DNAH7: variants seen among roughly 807,000 people sequenced by gnomAD.
DNAH7 encodes the protein axonemal beta dynein heavy chain 7.
A neutral mutation model predicts 444.6 loss-of-function variants in DNAH7; 397 were observed. The observed-to-expected ratio is 0.89, with a 90% CI of 0.82 to 0.97. The LOEUF is 0.97. DNAH7 is among the 50% of genes least tolerant of loss of function. The pLI is 0.00. For missense variants in DNAH7, 4,902 were observed against 4,800.8 expected (o/e 1.02, Z -0.62); for synonymous variants, 1,636 against 1,624.4 (o/e 1.01, Z -0.17).
chr2:195,774,172 T>G (rs980023995), intron 60 of DNAH7, among the ~76,000 whole-genome samples: 1 of 152,264 alleles, frequency 6.6e-6, no homozygotes, highest in Non-Finnish European at 1.5e-5. Context: ...TTACGTATTC[T>G]GTAATGTGGC....
chr2:195,766,167 A>ATTTTTTTTTTTTTTTTTTGTTTTTTTT (rs1694572083), intron 61 of DNAH7, among the ~76,000 whole-genome samples: 1 of 57,328 alleles, frequency 1.7e-5, no homozygotes, highest in Non-Finnish European at 3.7e-5. Flanking sequence ...GTGGGAGCTA[A>ATTTTTTTTTTTTTTTTTTGTTTTTTTT]TTTTTTTTTT....
intron 35 of DNAH7, among the ~76,000 whole-genome samples, chr2:195,883,451 T>TCCGCCCCC (rs1553548100): frequency 8.3e-6 from 1 of 121,154 alleles, no homozygotes; most frequent in African/African-American, 3.2e-5. Flanking sequence ...CAGTCCCCGC[T>TCCGCCCCC]CCCCCCCCCC....
intron 5 of DNAH7, among the ~76,000 whole-genome samples, chr2:196,029,039 ATGTT>A (rs1384357126): frequency 1.3e-5 from 2 of 152,222 alleles, no homozygotes; most frequent in Non-Finnish European, 2.9e-5. Flanking sequence ...TGATCAATAA[ATGTT>A]TGTTAAGTGA....
intron 46 of DNAH7, among the ~76,000 whole-genome samples, chr2:195,852,956 C>T (rs1699472871): frequency 6.7e-6 from 1 of 149,154 alleles, no homozygotes; most frequent in Non-Finnish European, 1.5e-5. Context: ...AGACAGAGTT[C>T]TGATACCTTT....
chr2:195,882,138 T>A lies in DNAH7; in HGVS notation c.5764-146A>T, dbSNP rs1701421570. 5.2e-5 allele frequency: 33 copies of A among 635,906 alleles called. No individual in the cohort carries two copies. In the South Asian group the frequency reaches 7.3e-4, roughly 14 times the overall value. The allele number at this position is 635,906 out of a possible 1,614,324, so 39.4% of individuals were successfully genotyped here. A position where few individuals can be genotyped will look rare whatever the true frequency, so the allele number is the denominator to read the frequency against. ...TCCTTTAAGACACTTTACACTCAGTTTGAAGGTTAAATTGTACATGTAAAT... is the reference window on the plus strand; with the variant it reads ...TCCTTTAAGACACTTTACACTCAGTATGAAGGTTAAATTGTACATGTAAAT... On this transcript the variant is annotated intron_variant, in intron 35 of 64. Transcript: ENST00000312428.
In DNAH7 at chr2:196,048,300, G is replaced by C. The variant is rs1218712612; in HGVS notation, c.246C>G (p.Ser82=). The change falls in exon 4 of 65, where the codon TCC becomes TCG. Residue 82 remains serine (S), a synonymous_variant. Coordinates refer to ENST00000312428, the MANE Select transcript of DNAH7 (RefSeq NM_018897.3). ...PEPFSVKNEQ[S]HAEYMERFGK... ...TTAGAATATTGAAGTTCTTACCATG[G>C]GACTGTTCATTTTTAACACTAAATG... 1 of 1,610,226 alleles carries C rather than the reference G, an allele frequency of 6.2e-7. No individual in the cohort carries two copies. The highest frequency in any genetic ancestry group is 8.5e-7 in the Non-Finnish European group (1 of 1,177,210).
chr2:195,987,941 A>C lies in DNAH7; in HGVS notation c.1626+16T>G, dbSNP rs1574956930. The C allele has an allele frequency of 6.3e-7, 1 of 1,579,500 alleles. No homozygotes were observed. The highest frequency in any genetic ancestry group is 2.3e-5 in the East Asian group (1 of 44,340). ...CCAGATAGAGATAACAGTTGCACAA[A>C]ACTGGAGTCATTTACCTTTATGGAT... On this transcript the variant is annotated intron_variant, in intron 13 of 64. Coordinates refer to ENST00000312428, the MANE Select transcript of DNAH7 (RefSeq NM_018897.3).
intron 12 of DNAH7, 96 bp downstream of exon 12, chr2:196,000,608 T>C: frequency 9.6e-7 from 1 of 1,039,782 alleles, no homozygotes; most frequent in Non-Finnish European, 1.3e-6. Flanking sequence ...TATTATATTC[T>C]GTGAAGCAGA....
intron 35 of DNAH7, 51 bp from the exon 36 acceptor site, chr2:195,882,043 G>T (rs1701415608): frequency 1.4e-6 from 2 of 1,466,866 alleles, no homozygotes; most frequent in Non-Finnish European, 9.4e-7. Context: ...ACTTTAAAAA[G>T]CTCTATACTC....
intron 63 of DNAH7, among the ~76,000 whole-genome samples, chr2:195,742,003 T>C (rs1693067191): frequency 6.6e-6 from 1 of 152,210 alleles, no homozygotes; most frequent in Admixed American, 6.5e-5. Flanking sequence ...TTACCCTTTC[T>C]CTTCTCTGGG....
At chr2:195,769,619 G>A (rs1367761760) in intron 61 of DNAH7, among the ~76,000 whole-genome samples, 1 of 151,916 alleles carries the variant, frequency 6.6e-6, no homozygotes, top group Non-Finnish European at 1.5e-5. Flanking sequence ...AAAGGTGTTA[G>A]GACCCACTAT....
intron 3 of DNAH7, among the ~76,000 whole-genome samples, chr2:196,049,541 G>T (rs1050399003): frequency 2.6e-5 from 4 of 152,182 alleles, no homozygotes; most frequent in African/African-American, 9.7e-5. Context: ...ATTACTGCTG[G>T]AGAACTTCTA....
Position 195,988,148 on chromosome 2 carries a change from C to T in DNAH7, c.1435G>A (p.Val479Ile). Residue 479 changes from valine to isoleucine, a missense_variant, in exon 13 of 65, where the codon GTT (valine) becomes ATT (isoleucine). Physicochemically the swap from Val to Ile is conservative, Grantham distance 29 (BLOSUM62 3). Coordinates refer to ENST00000312428, the MANE Select transcript of DNAH7 (RefSeq NM_018897.3). ...GGTGCCACACTCTCTTTCATAATAACTTCCTTGATCTTTTCTTTGTGAGCA... is the reference window on the plus strand; with the variant it reads ...GGTGCCACACTCTCTTTCATAATAATTTCCTTGATCTTTTCTTTGTGAGCA... ...VDAHKEKIKE[V>I]IMKESVAPTE... 6.2e-7 allele frequency: 1 copy of T among 1,613,588 alleles called. No individual in the cohort carries two copies. The highest frequency in any genetic ancestry group is 8.5e-7 in the Non-Finnish European group (1 of 1,179,714).
intron 19 of DNAH7, among the ~76,000 whole-genome samples, chr2:195,950,757 T>C (rs948620434): frequency 2.1e-5 from 3 of 140,354 alleles, no homozygotes; most frequent in Non-Finnish European, 3.0e-5. Context: ...AAGGCTAAGG[T>C]GGGAGAATGG....
chr2:196,043,810 A>G (rs961150056), intron 5 of DNAH7, among the ~76,000 whole-genome samples: 11 of 152,216 alleles, frequency 7.2e-5, no homozygotes, highest in African/African-American at 2.6e-4. Flanking sequence ...AAAATACTCA[A>G]CATCCCTAAT....
Position 195,737,990 on chromosome 2 carries a change from A to G in DNAH7, c.12006T>C (p.Leu4002=), listed in dbSNP as rs752967172. ...AGTGTTCCTTGGGTTGGTCAGAGGG[A>G]AGAGTCATGGCAATCACAAAATTCG... The part of the protein sequence containing the change: ...HSTNFVIAMT[L]PSDQPKEHWI... The change falls in exon 65 of 65, where the codon CTT becomes CTC. Residue 4002 remains leucine (L), a synonymous_variant. Coordinates refer to ENST00000312428, the MANE Select transcript of DNAH7 (RefSeq NM_018897.3). 1.9e-6 allele frequency: 3 copies of G among 1,613,992 alleles called. No individual in the cohort carries two copies. The African/African-American group carries it at 4.0e-5, about 22-fold the overall frequency.
Position 195,862,615 on chromosome 2 carries a change from C to T in DNAH7, c.7507-669G>A, listed in dbSNP as rs552508720. Among the ~76,000 whole-genome samples the T allele has an allele frequency of 3.1e-4, 47 of 152,228 alleles. No individual in the cohort carries two copies. The South Asian group carries it at 9.7e-3, about 32-fold the overall frequency. On this transcript the variant is annotated intron_variant, in intron 41 of 64. Transcript: ENST00000312428. ...ACCACTTCCCCCCACAGTTCCTGTG[C>T]TCCTGTCACCCTGATTTTCTGTCAC...
chr2:195,746,199 T>C (rs1179757514), intron 63 of DNAH7, among the ~76,000 whole-genome samples: 2 of 139,864 alleles, frequency 1.4e-5, no homozygotes, highest in African/African-American at 5.1e-5. Context: ...GTTGCAATCC[T>C]AGTCTCTGAT....
rs759033224 is a variant in DNAH7 at position 195,888,307 on chromosome 2, A to G, written c.5357T>C (p.Phe1786Ser). ...AACCGAAACAGGGACCATTCTGTCA[A>G]ATAAGCCCATTATGAATTCCTTTTG... ...VIQKEFIMGLFDRMVPVSVEF... is the reference protein window; with the variant it reads ...VIQKEFIMGLSDRMVPVSVEF... The change falls in exon 33 of 65, where the codon TTT becomes TCT. Residue 1786 changes from phenylalanine (F) to serine (S), a missense_variant. Coordinates refer to ENST00000312428, the MANE Select transcript of DNAH7 (RefSeq NM_018897.3). The G allele has an allele frequency of 6.2e-7, 1 of 1,611,404 alleles. No individual in the cohort carries two copies. The highest frequency in any genetic ancestry group is 1.3e-5 in the African/African-American group (1 of 74,704).
Sources: allele counts gnomAD v4.1 joint callset (sites outside exome capture counted in the v4.1 genomes callset), GRCh38; gene constraint gnomAD v4.1.1; transcripts MANE v1.5; gene names NCBI Gene and HGNC (gene_info 2026-07-23, HGNC 2026-07-21).